The following DIS3L2 variants were observed in gnomAD, a reference collection of about 807,000 sequenced individuals.
The protein encoded by DIS3L2 is DIS3-like exonuclease 2.
Under a neutral mutation model 97.5 loss-of-function variants are expected in DIS3L2, and 34 were observed. The observed-to-expected ratio is 0.35, with a 90% CI of 0.27 to 0.46. DIS3L2 has a LOEUF of 0.46. Ranked by LOEUF, DIS3L2 falls within the 20% of genes least tolerant of loss-of-function variation. The pLI is 1.00. For missense variants in DIS3L2, 1,038 were observed against 1,146.0 expected (o/e 0.91, Z 1.36); for synonymous variants, 435 against 445.2 (o/e 0.98, Z 0.29).
chr2:232,121,855 C>G lies in DIS3L2; in HGVS notation c.602-8764C>G, dbSNP rs921216441. On this transcript the variant is annotated intron_variant, in intron 6 of 20. Transcript: ENST00000325385. ...CTACCTCATATACCTCCCCACTTCCCCACTAGCATCTAAATATTATAATTT... is the reference window on the plus strand; with the variant it reads ...CTACCTCATATACCTCCCCACTTCCGCACTAGCATCTAAATATTATAATTT... Among the ~76,000 whole-genome samples the G allele has an allele frequency of 2.6e-5, 4 of 152,182 alleles. No individual in the cohort carries two copies. The East Asian group carries it at 7.7e-4, about 29-fold the overall frequency.
At chr2:232,029,895 A>G (rs1277025022) in intron 4 of DIS3L2, 84 bp from the exon 5 acceptor site, 3 of 970,078 alleles carry the variant, frequency 3.1e-6, no homozygotes, top group Admixed American at 2.5e-5. Flanking sequence ...GCTGTTTTCT[A>G]TTTCAGTTAT....
intron 8 of DIS3L2, among the ~76,000 whole-genome samples, chr2:232,156,949 CTG>C (rs1213525399): frequency 6.6e-6 from 1 of 152,070 alleles, no homozygotes; most frequent in African/African-American, 2.4e-5. Context: ...TCAGAAGAAA[CTG>C]TGTTTTATAT....
At chr2:232,240,286 A>G (rs1226618768) in intron 11 of DIS3L2, among the ~76,000 whole-genome samples, 2 of 152,214 alleles carry the variant, frequency 1.3e-5, no homozygotes, top group Admixed American at 1.3e-4. Context: ...CGATTTCTTC[A>G]GAAGTACAGC....
At chr2:232,031,587 G>GT (rs1559556334) in intron 5 of DIS3L2, among the ~76,000 whole-genome samples, 1 of 151,372 alleles carries the variant, frequency 6.6e-6, no homozygotes. Context: ...TGCCATGGTG[G>GT]TTTGCTGCAC....
chr2:232,258,274 C>G (rs548133247), intron 12 of DIS3L2, among the ~76,000 whole-genome samples: 1 of 152,182 alleles, frequency 6.6e-6, no homozygotes, highest in South Asian at 2.1e-4. Context: ...AAGAGTGACC[C>G]AAATCCTGTG....
intron 14 of DIS3L2, chr2:232,307,842 A>G (rs1441645291): frequency 6.6e-6 from 1 of 152,266 alleles, no homozygotes; most frequent in Non-Finnish European, 1.5e-5. Flanking sequence ...AAAACAAACC[A>G]AAACTGAAGA....
chr2:232,171,059 G>A (rs1044457743), intron 9 of DIS3L2, among the ~76,000 whole-genome samples: 1 of 152,186 alleles, frequency 6.6e-6, no homozygotes, highest in Non-Finnish European at 1.5e-5. Context: ...CATTGAAGGA[G>A]CGCTGGAAGT....
intron 13 of DIS3L2, among the ~76,000 whole-genome samples, chr2:232,284,286 C>T (rs1047327488): frequency 5.9e-5 from 9 of 152,090 alleles, no homozygotes; most frequent in African/African-American, 2.2e-4. Flanking sequence ...AGAGTCAGGG[C>T]CCCCGGGCTC....
chr2:232,048,357 A>G (rs1245776251), intron 5 of DIS3L2, among the ~76,000 whole-genome samples: 1 of 152,142 alleles, frequency 6.6e-6, no homozygotes, highest in African/African-American at 2.4e-5. Flanking sequence ...TGTGAATTTG[A>G]TGGCCCTTTG....
intron 9 of DIS3L2, among the ~76,000 whole-genome samples, chr2:232,173,625 C>T (rs1205629397): frequency 6.6e-6 from 1 of 152,192 alleles, no homozygotes; most frequent in Non-Finnish European, 1.5e-5. Context: ...AGGTATGGGT[C>T]AAACTTCATT....
chr2:232,081,535 A>G (rs1443749893), intron 5 of DIS3L2, among the ~76,000 whole-genome samples: 1 of 152,182 alleles, frequency 6.6e-6, no homozygotes, highest in Non-Finnish European at 1.5e-5. Context: ...TTGTATAAAG[A>G]AAAACTTTAC....
chr2:232,079,685 A>G (rs1471965172), intron 5 of DIS3L2, among the ~76,000 whole-genome samples: 5 of 151,834 alleles, frequency 3.3e-5, no homozygotes, highest in Admixed American at 6.6e-5. Context: ...AGGTGGGGCT[A>G]TTTCAGTTAC....
At chr2:232,154,052 A>G (rs1302901703) in intron 8 of DIS3L2, among the ~76,000 whole-genome samples, 4 of 122,024 alleles carry the variant, frequency 3.3e-5, no homozygotes, top group Non-Finnish European at 6.8e-5. Context: ...TTTCAGCTCC[A>G]TCAGCTCCTT....
chr2:232,307,840 C>T (rs919391529), intron 14 of DIS3L2: 1 of 152,190 alleles, frequency 6.6e-6, no homozygotes, highest in African/African-American at 2.4e-5. Context: ...TAAAAACAAA[C>T]CAAAACTGAA....
chr2:232,044,311 G>T (rs3100613), intron 5 of DIS3L2, among the ~76,000 whole-genome samples: 141,592 of 152,236 alleles, frequency 0.93, 65,929 homozygotes, highest in East Asian at 1. Flanking sequence ...GAAAATTATG[G>T]GTTGAGAGTC....
intron 12 of DIS3L2, among the ~76,000 whole-genome samples, chr2:232,250,779 C>T (rs1693394916): frequency 6.6e-6 from 1 of 152,116 alleles, no homozygotes; most frequent in Non-Finnish European, 1.5e-5. Flanking sequence ...TTAAGAGTGT[C>T]AGCTTTCTTT....
intron 2 of DIS3L2, 114 bp from the exon 3 acceptor site, chr2:232,015,400 T>A: frequency 7.3e-7 from 1 of 1,360,944 alleles, no homozygotes; most frequent in Non-Finnish European, 9.9e-7. Flanking sequence ...CATCAGGGAG[T>A]TTCAGTCTCT....
intron 5 of DIS3L2, among the ~76,000 whole-genome samples, chr2:232,049,908 G>A (rs1416943214): frequency 6.6e-5 from 10 of 152,248 alleles, no homozygotes; most frequent in South Asian, 2.1e-4. Flanking sequence ...TTCTGTAAGC[G>A]TACACATCCT....
At chr2:232,314,597 A>G (rs1559207950) in intron 14 of DIS3L2, among the ~76,000 whole-genome samples, 1 of 152,208 alleles carries the variant, frequency 6.6e-6, no homozygotes, top group South Asian at 2.1e-4. Context: ...TCAAAACTAG[A>G]TATTTCAAAA....
Sources: allele counts gnomAD v4.1 joint callset (sites outside exome capture counted in the v4.1 genomes callset), GRCh38; gene constraint gnomAD v4.1.1; transcripts MANE v1.5; gene names NCBI Gene and HGNC (gene_info 2026-07-23, HGNC 2026-07-21).